C1orf87: variants seen among roughly 807,000 people sequenced by gnomAD.
The protein encoded by C1orf87 is chromosome 1 open reading frame 87.
A neutral mutation model predicts 60.5 loss-of-function variants in C1orf87; 58 were observed. That is an observed-to-expected ratio of 0.96 (90% CI 0.78 to 1.19). The LOEUF (loss-of-function observed/expected upper bound fraction) is 1.19, where lower values mean the gene tolerates loss of function less well. Among genes scored for constraint, C1orf87 ranks in the 50% most tolerant of loss-of-function variants. The probability of loss-of-function intolerance (pLI) is 0.00; values close to 1 mark genes in which losing one functional copy is unlikely to be tolerated. For missense variants in C1orf87, 673 were observed against 638.6 expected, an observed-to-expected ratio of 1.05 and a Z score of -0.58; for synonymous variants, 236 against 227.4, an observed-to-expected ratio of 1.04 and a Z score of -0.34.
At chr1:60,004,774 T>C (rs1296333709) in intron 9 of C1orf87, among the ~76,000 whole-genome samples, 1 of 151,960 alleles carries the variant, frequency 6.6e-6, no homozygotes, top group Non-Finnish European at 1.5e-5. Context: ...TAAGCCAAGC[T>C]GGCTTCTAGA....
At chr1:60,057,075 G>T (rs1044302109) in intron 2 of C1orf87, among the ~76,000 whole-genome samples, 10 of 152,176 alleles carry the variant, frequency 6.6e-5, no homozygotes, top group African/African-American at 2.4e-4. Context: ...TACATTTAAA[G>T]AGGAAAGATG....
chr1:60,033,873 C>T (rs1645256954), intron 6 of C1orf87, among the ~76,000 whole-genome samples: 3 of 152,186 alleles, frequency 2.0e-5, no homozygotes, highest in African/African-American at 7.2e-5. Flanking sequence ...TTCCAAGAGG[C>T]ACCAACCAAT....
intron 7 of C1orf87, among the ~76,000 whole-genome samples, chr1:60,025,749 A>G (rs1326680073): frequency 1.3e-5 from 2 of 152,306 alleles, no homozygotes; most frequent in South Asian, 4.1e-4. Flanking sequence ...ATTACTCAGA[A>G]GTCACTGGGG....
At chr1:60,051,136 A>G (rs765962332) in intron 3 of C1orf87, among the ~76,000 whole-genome samples, 52 of 152,230 alleles carry the variant, frequency 3.4e-4, no homozygotes, top group Non-Finnish European at 6.6e-4. Context: ...AAAGAATTTC[A>G]GTTTAGTGAG....
At chr1:60,049,476 G>A (rs1645397484) in intron 3 of C1orf87, among the ~76,000 whole-genome samples, 1 of 152,002 alleles carries the variant, frequency 6.6e-6, no homozygotes, top group Admixed American at 6.6e-5. Context: ...ATTTTAAGTA[G>A]AATATTCTAT....
Position 60,033,659 on chromosome 1 carries a change from G to T in C1orf87, c.864-18C>A. 6.2e-7 allele frequency: 1 copy of T among 1,606,438 alleles called. No individual in the cohort carries two copies. Among genetic ancestry groups the T allele is most frequent in the Non-Finnish European group, 8.5e-7 (1 of 1,176,228 alleles). ...GTGGAGTGCTGATTGTAGGGGAAATGGGGAAGGCTATGAAAAGGTTATCCA... is the reference window on the plus strand; with the variant it reads ...GTGGAGTGCTGATTGTAGGGGAAATTGGGAAGGCTATGAAAAGGTTATCCA... On this transcript the variant is annotated intron_variant, in intron 6 of 11. Transcript: ENST00000371201.
intron 9 of C1orf87, among the ~76,000 whole-genome samples, chr1:60,004,932 T>C (rs1408651102): frequency 6.6e-6 from 1 of 151,768 alleles, no homozygotes; most frequent in African/African-American, 2.4e-5. Flanking sequence ...TGGGCAGCTT[T>C]AAAAATTACC....
intron 7 of C1orf87, among the ~76,000 whole-genome samples, chr1:60,033,196 G>A (rs1171894512): frequency 6.6e-6 from 1 of 152,108 alleles, no homozygotes; most frequent in Non-Finnish European, 1.5e-5. Flanking sequence ...TGCAAAAATA[G>A]TTGTTTTCCA....
At chr1:60,060,213 C>G (rs1243980430) in intron 2 of C1orf87, among the ~76,000 whole-genome samples, 1 of 151,384 alleles carries the variant, frequency 6.6e-6, no homozygotes, top group African/African-American at 2.4e-5. Context: ...ATTTCTTTAT[C>G]AATGTAATTA....
At chr1:60,023,477 T>A (rs1645177920) in intron 8 of C1orf87, among the ~76,000 whole-genome samples, 1 of 152,152 alleles carries the variant, frequency 6.6e-6, no homozygotes. Context: ...GTTGCTTCCA[T>A]AACAAACAGT....
intron 7 of C1orf87, among the ~76,000 whole-genome samples, chr1:60,026,733 A>T (rs557782473): frequency 6.6e-6 from 1 of 152,336 alleles, no homozygotes; most frequent in East Asian, 1.9e-4. Flanking sequence ...AAAATTAGCT[A>T]TTTAGTCCAA....
intron 7 of C1orf87, among the ~76,000 whole-genome samples, chr1:60,028,910 C>G (rs752120809): frequency 6.6e-6 from 1 of 151,792 alleles, no homozygotes; most frequent in Non-Finnish European, 1.5e-5. Flanking sequence ...TCTTTGTTTA[C>G]TACTCCTTAA....
chr1:60,071,587 C>T (rs1645584311), intron 2 of C1orf87, among the ~76,000 whole-genome samples: 1 of 152,150 alleles, frequency 6.6e-6, no homozygotes, highest in African/African-American at 2.4e-5. Flanking sequence ...GGAAGTAGAA[C>T]TAATGTGCCT....
intron 1 of C1orf87, among the ~76,000 whole-genome samples, chr1:60,073,339 T>A (rs1318584743): frequency 2.0e-5 from 3 of 152,198 alleles, no homozygotes; most frequent in Non-Finnish European, 4.4e-5. Flanking sequence ...CACTCCCTTT[T>A]AGAACCACCC....
intron 11 of C1orf87, 96 bp from the exon 12 acceptor site, chr1:59,990,929 C>G (rs1227865494): frequency 8.0e-7 from 1 of 1,245,854 alleles, no homozygotes; most frequent in Admixed American, 2.2e-5. Flanking sequence ...CAGGTAAAGA[C>G]TAAATGCTAA....
intron 3 of C1orf87, among the ~76,000 whole-genome samples, chr1:60,046,115 C>A (rs977903482): frequency 6.8e-6 from 1 of 147,824 alleles, no homozygotes; most frequent in African/African-American, 2.5e-5. Flanking sequence ...CTCCTTTCCT[C>A]TTTTCCTTAC....
At chr1:59,998,831 A>G (rs1293694278) in intron 10 of C1orf87, among the ~76,000 whole-genome samples, 3 of 152,144 alleles carry the variant, frequency 2.0e-5, no homozygotes, top group Non-Finnish European at 4.4e-5. Context: ...CAACGAGAGA[A>G]GAAAAAAGAT....
At chr1:60,059,308 A>G (rs1183411875) in intron 2 of C1orf87, among the ~76,000 whole-genome samples, 2 of 152,170 alleles carry the variant, frequency 1.3e-5, no homozygotes, top group Non-Finnish European at 2.9e-5. Context: ...CATCAATACT[A>G]TCTTGGAAGC....
At chr1:59,992,282 G>A (rs1439834044) in intron 11 of C1orf87, among the ~76,000 whole-genome samples, 3 of 151,178 alleles carry the variant, frequency 2.0e-5, no homozygotes, top group Non-Finnish European at 4.4e-5. Flanking sequence ...TTGAGACAGG[G>A]TCTTACTCTG....
Sources: allele counts gnomAD v4.1 joint callset (sites outside exome capture counted in the v4.1 genomes callset), GRCh38; gene constraint gnomAD v4.1.1; transcripts MANE v1.5; gene names NCBI Gene and HGNC (gene_info 2026-07-23, HGNC 2026-07-21).